Variants in MIPOL1 observed in about 807,000 individuals in gnomAD.
MIPOL1 encodes the protein mirror-image polydactyly 1.
MIPOL1 carries 57 observed loss-of-function variants against 60.9 expected under a neutral mutation model. The ratio of observed to expected loss-of-function variants is 0.94; its 90% confidence interval spans 0.76 to 1.17. MIPOL1 has a LOEUF of 1.17. MIPOL1 is among the 50% of genes most tolerant of loss of function. MIPOL1 has a pLI of 0.00. For synonymous variants in MIPOL1, 179 were observed against 168.8 expected (o/e 1.06, Z -0.47); for missense variants, 551 against 511.6 (o/e 1.08, Z -0.74).
chr14:37,452,870 C>G (rs2094438313), intron 11 of MIPOL1, among the ~76,000 whole-genome samples: 1 of 152,164 alleles, frequency 6.6e-6, no homozygotes, highest in Non-Finnish European at 1.5e-5. Context: ...GTTAGGTACT[C>G]AAGAGTTAAT....
chr14:37,502,497 A>G (rs1203509325), intron 12 of MIPOL1: 1 of 152,526 alleles, frequency 6.6e-6, no homozygotes, highest in East Asian at 1.9e-4. Context: ...GTGGACCTCC[A>G]GCAAACTCCA....
At chr14:37,223,788 G>A (rs139402213) in intron 1 of MIPOL1, among the ~76,000 whole-genome samples, 2,297 of 152,152 alleles carry the variant, frequency 0.015, 50 homozygotes, top group African/African-American at 0.052. Flanking sequence ...GGCGTGAGCC[G>A]CCCTGCCTGG....
chr14:37,452,458 T>A (rs1036998466), intron 11 of MIPOL1, among the ~76,000 whole-genome samples: 1 of 152,206 alleles, frequency 6.6e-6, no homozygotes, highest in Non-Finnish European at 1.5e-5. Context: ...GCAACAATTT[T>A]TAATGCAAGT....
intron 11 of MIPOL1, among the ~76,000 whole-genome samples, chr14:37,457,629 A>C (rs74489776): frequency 6.6e-6 from 1 of 152,168 alleles, no homozygotes; most frequent in Non-Finnish European, 1.5e-5. Flanking sequence ...AGATTTTCTC[A>C]TACCACCATG....
At chr14:37,199,618 G>C (rs948878945) in intron 1 of MIPOL1, among the ~76,000 whole-genome samples, 1 of 151,744 alleles carries the variant, frequency 6.6e-6, no homozygotes, top group Non-Finnish European at 1.5e-5. Context: ...TCCGCCTCCC[G>C]GGATCAAGCA....
intron 11 of MIPOL1, among the ~76,000 whole-genome samples, chr14:37,466,655 G>A (rs192276399): frequency 9.9e-5 from 15 of 152,162 alleles, no homozygotes; most frequent in African/African-American, 1.7e-4. Flanking sequence ...AAATCTTTTC[G>A]CTGAAGATGA....
intron 9 of MIPOL1, among the ~76,000 whole-genome samples, chr14:37,321,238 T>G (rs894806066): frequency 1.3e-5 from 2 of 152,040 alleles, no homozygotes; most frequent in Non-Finnish European, 2.9e-5. Context: ...ATATACTGCT[T>G]TGCATCCCAT....
At chr14:37,329,667 C>T (rs1161341819) in intron 9 of MIPOL1, among the ~76,000 whole-genome samples, 1 of 152,072 alleles carries the variant, frequency 6.6e-6, no homozygotes, top group Non-Finnish European at 1.5e-5. Flanking sequence ...AGAGGAAGCA[C>T]CTGTGATTCC....
intron 11 of MIPOL1, among the ~76,000 whole-genome samples, chr14:37,447,405 A>C (rs2094354251): frequency 6.6e-6 from 1 of 152,100 alleles, no homozygotes; most frequent in African/African-American, 2.4e-5. Flanking sequence ...TTCTGAATCT[A>C]ATTTCAGTGA....
At position 37,300,613 on chromosome 14, in the gene MIPOL1, C is replaced by T. The variant is rs186665959; in HGVS notation, c.624-7443C>T. ...CTTGACCTCTTGGGCTCAAGCAGTC[C>T]TCCCACCTCAGCCTCCCCAGTAACT... On this transcript the variant is annotated intron_variant, in intron 7 of 12. Coordinates refer to ENST00000684589, the MANE Select transcript of MIPOL1 (RefSeq NM_001388067.1). 1.3e-4 allele frequency among the ~76,000 whole-genome samples: 2 copies of T among 15,948 alleles called. 1 individual carries two copies. The highest frequency in any genetic ancestry group is 1.6e-4 in the African/African-American group (2 of 12,670). 10.5% of individuals were successfully genotyped at this position (15,948 alleles called of 152,430 possible).
rs147927330 is a variant in MIPOL1 at position 37,291,865 on chromosome 14, C to T, written c.623+6418C>T. ...GAGAGGAGCCTAGTGGCCTAATCACCTCTCAAAGGTCTTACTTCTTAATAC... is the reference window on the plus strand; with the variant it reads ...GAGAGGAGCCTAGTGGCCTAATCACTTCTCAAAGGTCTTACTTCTTAATAC... On this transcript the variant is annotated intron_variant, in intron 7 of 12. Transcript: ENST00000684589. Among the ~76,000 whole-genome samples the T allele has an allele frequency of 1.4e-3, 213 of 151,582 alleles. 1 individual carries two copies. The highest frequency in any genetic ancestry group is 4.8e-3 in the African/African-American group (197 of 41,298).
intron 3 of MIPOL1, among the ~76,000 whole-genome samples, chr14:37,257,093 T>TG (rs758423602): frequency 1.7e-5 from 1 of 60,408 alleles, no homozygotes; most frequent in Non-Finnish European, 3.4e-5. Flanking sequence ...TTTGGTTTTG[T>TG]TTTGTGTGTG....
intron 11 of MIPOL1, among the ~76,000 whole-genome samples, chr14:37,434,266 C>T: frequency 6.6e-6 from 1 of 152,160 alleles, no homozygotes; most frequent in East Asian, 1.9e-4. Context: ...TTTTGATTTG[C>T]ATTTCTCTAA....
At chr14:37,307,174 G>A (rs2086856121) in intron 7 of MIPOL1, among the ~76,000 whole-genome samples, 1 of 151,596 alleles carries the variant, frequency 6.6e-6, no homozygotes, top group African/African-American at 2.4e-5. Context: ...CACAGAAACG[G>A]GGAAAACTTG....
chr14:37,380,801 CA>C (rs2092904437), intron 10 of MIPOL1, among the ~76,000 whole-genome samples: 1 of 152,062 alleles, frequency 6.6e-6, no homozygotes, highest in Non-Finnish European at 1.5e-5. Flanking sequence ...CTGTTTTATA[CA>C]TTTTGTAATA....
At chr14:37,234,427 G>A (rs1248149958) in intron 1 of MIPOL1, among the ~76,000 whole-genome samples, 1 of 149,250 alleles carries the variant, frequency 6.7e-6, no homozygotes, top group East Asian at 2.0e-4. Flanking sequence ...CTAGGCTCAA[G>A]TGATCCACCC....
At chr14:37,537,623 C>A (rs1025786566) in intron 12 of MIPOL1, among the ~76,000 whole-genome samples, 1 of 151,782 alleles carries the variant, frequency 6.6e-6, no homozygotes, top group Non-Finnish European at 1.5e-5. Context: ...TGAATGTGTT[C>A]AAAAAAATAT....
At chr14:37,212,093 G>A (rs1966857224) in intron 1 of MIPOL1, 1 of 152,196 alleles carries the variant, frequency 6.6e-6, no homozygotes, top group African/African-American at 2.4e-5. Context: ...CAAGGGTGTT[G>A]GGTGAGCCTC....
chr14:37,289,532 C>G (rs764424341), intron 7 of MIPOL1, among the ~76,000 whole-genome samples: 1 of 152,124 alleles, frequency 6.6e-6, no homozygotes, highest in Non-Finnish European at 1.5e-5. Flanking sequence ...ATCTTACTTA[C>G]GTTTATTAAA....
Sources: gnomAD v4.1 joint callset for allele counts (sites outside exome capture counted in the v4.1 genomes callset) on GRCh38, gnomAD v4.1.1 for gene constraint, MANE v1.5 for transcripts, NCBI Gene and HGNC (gene_info 2026-07-23, HGNC 2026-07-21) for gene names.